The following CAPN3 variants were observed in gnomAD, a reference collection of about 807,000 sequenced individuals.
The protein encoded by CAPN3 is calpain-3.
Under a neutral mutation model 114.0 loss-of-function variants are expected in CAPN3, and 88 were observed. The observed-to-expected ratio is 0.77, with a 90% confidence interval of 0.65 to 0.92. The LOEUF is 0.92. Ranked by LOEUF, CAPN3 falls within the 40% of genes least tolerant of loss-of-function variation. The pLI, the probability that CAPN3 is intolerant of heterozygous loss-of-function variation, is 0.00. For missense variants in CAPN3, 1,028 were observed against 1,069.0 expected (o/e 0.96, Z 0.53); for synonymous variants, 386 against 382.9 (o/e 1.01, Z -0.09).
Position 42,405,911 on chromosome 15 carries a change from C to G in CAPN3, c.1783-15C>G, listed in dbSNP as rs1351349209. On this transcript the variant is annotated splice_polypyrimidine_tract_variant and intron_variant, in intron 14 of 23. Coordinates refer to ENST00000397163, the MANE Select transcript of CAPN3 (RefSeq NM_000070.3). ...TTCACTTATTCTGCATTTACTGTTTCCTTTTCTTATGCAGAAAAAGAAAAA... is the reference window on the plus strand; with the variant it reads ...TTCACTTATTCTGCATTTACTGTTTGCTTTTCTTATGCAGAAAAAGAAAAA... 1.9e-6 allele frequency: 3 copies of G among 1,609,310 alleles called. No individual in the cohort carries two copies. The East Asian group carries it at 6.7e-5, about 36-fold the overall frequency.
chr15:42,388,237 G>A (rs1320025244), intron 4 of CAPN3, among the ~76,000 whole-genome samples: 2 of 152,176 alleles, frequency 1.3e-5, no homozygotes, highest in African/African-American at 4.8e-5. Context: ...AACCTCATGT[G>A]CTTATAGCAG....
Position 42,411,908 on chromosome 15 carries a change from TCC to T in CAPN3, c.*136_*137del. The T allele has an allele frequency of 7.7e-6, 12 of 1,564,654 alleles. No homozygotes were observed. The highest frequency in any genetic ancestry group is 1.0e-5 in the Non-Finnish European group (12 of 1,153,924). ...CTTCCAGGCACCTCATCAGTCATGC[TCC>T]TCCTCCATTTTACCCCCTACCCATC... On this transcript the variant is annotated 3_prime_UTR_variant, in exon 24 of 24. Coordinates refer to ENST00000397163, the MANE Select transcript of CAPN3 (RefSeq NM_000070.3).
rs1311642103 is a variant in CAPN3 at position 42,393,617 on chromosome 15, G to A, written c.1030-639G>A. Among the ~76,000 whole-genome samples the A allele has an allele frequency of 3.1e-4, 45 of 145,466 alleles. 1 individual carries two copies. The highest frequency in any genetic ancestry group is 2.6e-4 in the African/African-American group (10 of 39,196). ...TTTCTTTTTTTTTTTTTTTTGAGAC[G>A]GAGTCTCACTCTGTTGCCCAGGCTG... On this transcript the variant is annotated intron_variant, in intron 7 of 23. Coordinates refer to ENST00000397163, the MANE Select transcript of CAPN3 (RefSeq NM_000070.3).
chr15:42,359,690 A>G lies in CAPN3; in HGVS notation c.-116A>G. On this transcript the variant is annotated 5_prime_UTR_variant, in exon 1 of 24. Coordinates refer to ENST00000397163, the MANE Select transcript of CAPN3 (RefSeq NM_000070.3). Reference sequence around the variant, plus strand: ...TTTCAACTTTGAACTGGATGTGGACACTTTTCTCTCAGATGACAGAATTAC... The same window carrying G: ...TTTCAACTTTGAACTGGATGTGGACGCTTTTCTCTCAGATGACAGAATTAC... 1.9e-6 allele frequency: 3 copies of G among 1,572,838 alleles called. 1 individual carries two copies. The highest frequency in any genetic ancestry group is 2.7e-5 in the African/African-American group (2 of 73,448).
In CAPN3 at chr15:42,401,758, A is replaced by C; in HGVS notation, c.1472A>C (p.Lys491Thr). ...LVALMQKNRR[K>T]DRKLGASLFT... ...GCCCTGATGCAGAAGAACCGGCGGA[A>C]GGACCGGAAGCTAGGGGCCAGTCTC... Residue 491 changes from lysine (K) to threonine (T), a missense_variant, in exon 11 of 24, where the codon AAG (lysine) becomes ACG (threonine). Transcript: ENST00000397163. The C allele has an allele frequency of 6.2e-7, 1 of 1,614,060 alleles. No homozygotes were observed. Among genetic ancestry groups the C allele is most frequent in the African/African-American group, 1.3e-5 (1 of 75,022 alleles).
intron 1 of CAPN3, among the ~76,000 whole-genome samples, chr15:42,380,047 C>T (rs111917515): frequency 0.075 from 11,381 of 152,184 alleles, 501 homozygotes; most frequent in South Asian, 0.16. Context: ...AACCGAGAGG[C>T]GGAGACTGTG....
intron 1 of CAPN3, among the ~76,000 whole-genome samples, chr15:42,373,349 C>G (rs1367715205): frequency 6.6e-6 from 1 of 152,158 alleles, no homozygotes; most frequent in Non-Finnish European, 1.5e-5. Context: ...ACTGGCAGAC[C>G]AGATGATTCT....
intron 14 of CAPN3, chr15:42,404,436 T>C (rs2053963648): frequency 2.2e-6 from 1 of 456,458 alleles, no homozygotes; most frequent in South Asian, 1.5e-5. Context: ...TTATAATCCC[T>C]GGTGTTCAAG....
At chr15:42,409,137 C>A in intron 16 of CAPN3, 166 bp from the exon 17 acceptor site, 1 of 677,642 alleles carries the variant, frequency 1.5e-6, no homozygotes, top group Non-Finnish European at 2.7e-6. Context: ...CCTGAGGCCT[C>A]GATGCATCTC....
rs2053399965 is a variant in CAPN3 at position 42,386,191 on chromosome 15, T to C, written c.404T>C (p.Ile135Thr). 2 of 1,613,826 alleles carry C rather than the reference T, an allele frequency of 1.2e-6. No homozygotes were observed. The highest frequency in any genetic ancestry group is 1.7e-5 in the Admixed American group (1 of 60,002). ...ELGDCWFLAA[I>T]ACLTLNQHLL... ...GGGGACTGCTGGTTTCTCGCAGCCA[T>C]TGCCTGCCTGACCCTGAACCAGCAC... Residue 135 changes from isoleucine to threonine, a missense_variant, in exon 3 of 24, where the codon ATT becomes ACT. By Grantham distance (89) the Ile-to-Thr change is moderately conservative. Transcript: ENST00000397163.
chr15:42,365,656 C>T (rs111452548), intron 1 of CAPN3, among the ~76,000 whole-genome samples: 5,759 of 152,238 alleles, frequency 0.038, 329 homozygotes, highest in African/African-American at 0.12. Context: ...CACCCGTTCC[C>T]AGCTCAGAGC....
At chr15:42,387,978 TGC>T (rs1186427421) in intron 4 of CAPN3, 92 bp downstream of exon 4, 14 of 1,491,978 alleles carry the variant, frequency 9.4e-6, no homozygotes, top group Non-Finnish European at 1.3e-5. Context: ...AAGAGGCATG[TGC>T]CTCTATACGT....
chr15:42,362,565 G>T (rs1402219370), intron 1 of CAPN3, among the ~76,000 whole-genome samples: 2 of 152,180 alleles, frequency 1.3e-5, no homozygotes, highest in Admixed American at 1.3e-4. Context: ...TGGATAAAAT[G>T]CCCACATGTT....
intron 9 of CAPN3, among the ~76,000 whole-genome samples, chr15:42,398,677 A>G (rs1003713387): frequency 7.0e-6 from 1 of 141,890 alleles, no homozygotes; most frequent in African/African-American, 2.9e-5. Flanking sequence ...ATACACACAC[A>G]CACGTCTGTA....
At chr15:42,371,826 T>C (rs530273467) in intron 1 of CAPN3, among the ~76,000 whole-genome samples, 24 of 151,986 alleles carry the variant, frequency 1.6e-4, no homozygotes, top group African/African-American at 5.5e-4. Context: ...TAGCTGGACA[T>C]AGTGGCGGGA....
chr15:42,364,480 A>G (rs145555628), intron 1 of CAPN3, among the ~76,000 whole-genome samples: 1 of 152,336 alleles, frequency 6.6e-6, no homozygotes, highest in Non-Finnish European at 1.5e-5. Context: ...ATTTGTGCCT[A>G]TGACCAGTCA....
At chr15:42,384,131 C>T (rs1292962247) in intron 1 of CAPN3, among the ~76,000 whole-genome samples, 4 of 151,822 alleles carry the variant, frequency 2.6e-5, no homozygotes, top group Admixed American at 6.6e-5. Context: ...ATAGCTACTG[C>T]GGCCGGGCGC....
At chr15:42,361,088 T>C (rs981168735) in intron 1 of CAPN3, among the ~76,000 whole-genome samples, 2 of 152,146 alleles carry the variant, frequency 1.3e-5, no homozygotes, top group South Asian at 2.1e-4. Context: ...CAAGGAGAGC[T>C]AACCTGGTCC....
At chr15:42,405,815 G>A in intron 14 of CAPN3, 111 bp from the exon 15 acceptor site, 1 of 809,598 alleles carries the variant, frequency 1.2e-6, no homozygotes, top group Non-Finnish European at 2.2e-6. Flanking sequence ...CTGGACCCTG[G>A]AGCCCCACCC....
Sources: allele counts gnomAD v4.1 joint callset (sites outside exome capture counted in the v4.1 genomes callset), GRCh38; gene constraint gnomAD v4.1.1; transcripts MANE v1.5; gene names NCBI Gene and HGNC (gene_info 2026-07-23, HGNC 2026-07-21).